NUGGC: variants seen among roughly 807,000 people sequenced by gnomAD.
NUGGC encodes nuclear GTPase SLIP-GC.
A neutral mutation model predicts 92.6 loss-of-function variants in NUGGC; 58 were observed. The observed-to-expected ratio is 0.63, with a 90% CI of 0.51 to 0.78. The LOEUF (loss-of-function observed/expected upper bound fraction) is 0.78, where lower values mean the gene tolerates loss of function less well. Ranked by LOEUF, NUGGC falls within the 30% of genes least tolerant of loss-of-function variation. NUGGC has a pLI of 0.00. For synonymous variants in NUGGC, 376 were observed against 366.4 expected (o/e 1.03, Z -0.30); for missense variants, 925 against 964.6 (o/e 0.96, Z 0.54).
rs1336459534 is a variant in NUGGC, at chr8:28,045,657, A to C, written c.1316T>G (p.Ile439Ser). The C allele has an allele frequency of 6.2e-7, 1 of 1,608,994 alleles. No individual in the cohort carries two copies. The highest frequency in any genetic ancestry group is 2.2e-5 in the East Asian group (1 of 44,814). Reference sequence around the variant, plus strand: ...CCTGATGTATTCTCTTAACTTAGGGATTTCTGGAATTCACAGGCAGCACAA... The same window carrying C: ...CCTGATGTATTCTCTTAACTTAGGGCTTTCTGGAATTCACAGGCAGCACAA... ...QALLTEEETE[I>S]PKLREYIRKS... The change falls in exon 12 of 19, where the codon ATC becomes AGC. Residue 439 changes from isoleucine (I) to serine (S), a missense_variant. Transcript: ENST00000413272.
chr8:28,064,893 C>A (rs956825351), intron 6 of NUGGC, among the ~76,000 whole-genome samples, 162 bp from the exon 7 acceptor site: 1 of 152,124 alleles, frequency 6.6e-6, no homozygotes, highest in Non-Finnish European at 1.5e-5. Context: ...ACCTGAGAGC[C>A]AGGAAGGACC....
intron 6 of NUGGC, among the ~76,000 whole-genome samples, chr8:28,066,393 T>G (rs886337558): frequency 1.3e-5 from 2 of 152,222 alleles, no homozygotes; most frequent in Non-Finnish European, 2.9e-5. Context: ...ATTTAAACAT[T>G]TTAAGAGGCT....
In NUGGC at chr8:28,039,368, G is replaced by A. The variant is rs184576466; in HGVS notation, c.1611+1683C>T. ...CTGTCTCAGCTTCCCCAGTAGCTGC[G>A]ATTACAGGTGTCACCACCACACCCG... On this transcript the variant is annotated intron_variant, in intron 13 of 18. Coordinates refer to ENST00000413272, the MANE Select transcript of NUGGC (RefSeq NM_001010906.2). 2.0e-3 allele frequency among the ~76,000 whole-genome samples: 306 copies of A among 151,950 alleles called. 1 individual carries two copies. The highest frequency in any genetic ancestry group is 7.1e-3 in the African/African-American group (292 of 41,414).
At position 28,067,568 on chromosome 8, in the gene NUGGC, C is replaced by T. The variant is rs372445724; in HGVS notation, c.657G>A (p.Ala219=). 17 of 1,613,204 alleles carry T rather than the reference C, an allele frequency of 1.1e-5. No homozygotes were observed. Among genetic ancestry groups the T allele is most frequent in the South Asian group, 5.5e-5 (5 of 90,782 alleles). The change falls in exon 6 of 19, where the codon GCG becomes GCA. Residue 219 remains alanine, a synonymous_variant. Coordinates refer to ENST00000413272, the MANE Select transcript of NUGGC (RefSeq NM_001010906.2). ...ESKNYEELLR[A]KPKRKIPTSR... ...AGGTGGGGATCTTCCTTTTGGGCTTCGCCCTCAGTAACTCCTCATAGTTCT... is the reference window on the plus strand; with the variant it reads ...AGGTGGGGATCTTCCTTTTGGGCTTTGCCCTCAGTAACTCCTCATAGTTCT...
intron 12 of NUGGC, 131 bp downstream of exon 12, chr8:28,045,396 T>G: frequency 1.2e-6 from 1 of 815,884 alleles, no homozygotes; most frequent in Non-Finnish European, 1.9e-6. Flanking sequence ...TTTGTCCTTT[T>G]AGACTCACTG....
At chr8:28,065,208 T>C (rs532657535) in intron 6 of NUGGC, among the ~76,000 whole-genome samples, 1 of 137,462 alleles carries the variant, frequency 7.3e-6, no homozygotes, top group African/African-American at 2.7e-5. Context: ...TTGCCCAGAC[T>C]GGAGTGCAGT....
chr8:28,069,339 A>T (rs1240769056), intron 4 of NUGGC, among the ~76,000 whole-genome samples: 5 of 152,132 alleles, frequency 3.3e-5, no homozygotes, highest in African/African-American at 9.7e-5. Flanking sequence ...GGGTTAAATG[A>T]TATTTGACAT....
chr8:28,072,804 A>G (rs1051765709), intron 2 of NUGGC, among the ~76,000 whole-genome samples: 15 of 151,886 alleles, frequency 9.9e-5, no homozygotes, highest in African/African-American at 3.6e-4. Flanking sequence ...CACAGATCTT[A>G]TTATTCTTGT....
At chr8:28,030,169 T>C (rs1414482405) in intron 16 of NUGGC, 141 bp downstream of exon 16, 1 of 620,774 alleles carries the variant, frequency 1.6e-6, no homozygotes, top group East Asian at 2.8e-5. Flanking sequence ...AGTCATGTGG[T>C]TGCAATGTGT....
Position 28,047,612 on chromosome 8 carries a change from T to C in NUGGC, c.1207A>G (p.Arg403Gly). The C allele has an allele frequency of 1.9e-6, 3 of 1,543,288 alleles. No homozygotes were observed. Among genetic ancestry groups the C allele is most frequent in the Non-Finnish European group, 2.6e-6 (3 of 1,137,946 alleles). Residue 403 changes from arginine to glycine, a missense_variant and splice_region_variant, in exon 11 of 19, where the codon AGA (arginine) becomes GGA (glycine). Arg to Gly is a moderately radical substitution (Grantham distance 125, BLOSUM62 -2). Coordinates refer to ENST00000413272, the MANE Select transcript of NUGGC (RefSeq NM_001010906.2). ...ACCTTGAAGTCAGCTGGCAGTTTTC[T>C]CTGAAGTGAGAGAGTCACACAGAAA... ...RTRILKEKLK[R>G]KLPADFKVLE... is the part of the protein sequence containing the mutation.
intron 11 of NUGGC, 81 bp from the exon 12 acceptor site, chr8:28,045,741 A>G: frequency 6.9e-7 from 1 of 1,459,776 alleles, no homozygotes; most frequent in Non-Finnish European, 9.3e-7. Context: ...TGAAAGACCA[A>G]GGTGGCGATA....
At chr8:28,049,426 G>A (rs1392107429) in intron 10 of NUGGC, among the ~76,000 whole-genome samples, 2 of 152,236 alleles carry the variant, frequency 1.3e-5, no homozygotes, top group African/African-American at 2.4e-5. Flanking sequence ...AGAAAGGCAT[G>A]TGCTTAGCTG....
At chr8:28,048,860 CAA>C (rs60050826) in intron 10 of NUGGC, among the ~76,000 whole-genome samples, 17,839 of 108,408 alleles carry the variant, frequency 0.16, 765 homozygotes, top group South Asian at 0.21. Context: ...GATTCCATCT[CAA>C]AAAAAAAAAA....
chr8:28,031,398 CA>C lies in NUGGC; in HGVS notation c.1770-18del. 1 of 1,607,970 alleles carries C rather than the reference CA, an allele frequency of 6.2e-7. No individual in the cohort carries two copies. The highest frequency in any genetic ancestry group is 8.5e-7 in the Non-Finnish European group (1 of 1,177,310). On this transcript the variant is annotated intron_variant, in intron 14 of 18. Coordinates refer to ENST00000413272, the MANE Select transcript of NUGGC (RefSeq NM_001010906.2). Reference sequence around the variant, plus strand: ...TTCCCCGTCCTACGGAAGAAAGTGACAAAAAAGTTTAAGAGAATGGTGGCTG... The same window carrying C: ...TTCCCCGTCCTACGGAAGAAAGTGACAAAAAGTTTAAGAGAATGGTGGCTG...
chr8:28,036,555 G>C (rs1461307415), intron 13 of NUGGC, among the ~76,000 whole-genome samples: 1 of 152,162 alleles, frequency 6.6e-6, no homozygotes, highest in African/African-American at 2.4e-5. Context: ...CTTCAGTTGT[G>C]AACATATTGC....
chr8:28,033,641 A>AT lies in NUGGC; in HGVS notation c.1667dup (p.Asn556LysfsTer13), dbSNP rs1809480625. On this transcript the variant is annotated frameshift_variant, in exon 14 of 19. Coordinates refer to ENST00000413272, the MANE Select transcript of NUGGC (RefSeq NM_001010906.2). LOFTEE classifies it high-confidence loss of function. ...CCAGAGTCCTGGAGGCATAGATGCC[A>AT]TTTTTCAGGCAAACAGCTTTCAGGG... is the stretch of plus-strand genomic sequence containing the variant. 1 of 1,613,962 alleles carries AT rather than the reference A, an allele frequency of 6.2e-7. No homozygotes were observed. Among genetic ancestry groups the AT allele is most frequent in the Non-Finnish European group, 8.5e-7 (1 of 1,179,840 alleles).
chr8:28,022,084 TG>T lies in NUGGC; in HGVS notation c.*1232del, dbSNP rs1809130266. 6.6e-6 allele frequency: 1 copy of T among 151,564 alleles called. No individual in the cohort carries two copies. The highest frequency in any genetic ancestry group is 2.1e-4 in the South Asian group (1 of 4,824). The allele number at this position is 151,564 out of a possible 1,614,324, so 9.4% of individuals were successfully genotyped here. A position where few individuals can be genotyped will look rare whatever the true frequency, so the allele number is the denominator to read the frequency against. ...TTATGGCTTGTTTTATATCGTGCAA[TG>T]TTTTTTCTATAATGTTTAAGTTTTT... On this transcript the variant is annotated 3_prime_UTR_variant, in exon 19 of 19. Transcript: ENST00000413272.
At chr8:28,043,977 A>T (rs112732139) in intron 12 of NUGGC, among the ~76,000 whole-genome samples, 57 of 152,314 alleles carry the variant, frequency 3.7e-4, no homozygotes, top group Admixed American at 8.5e-4. Context: ...AAATAGATTT[A>T]AAAAAGATTG....
intron 7 of NUGGC, 100 bp from the exon 8 acceptor site, chr8:28,060,701 C>A: frequency 1.0e-6 from 1 of 997,260 alleles, no homozygotes. Flanking sequence ...CCTCCAGTCC[C>A]ACCCCTCACC....
Sources: allele counts gnomAD v4.1 joint callset (sites outside exome capture counted in the v4.1 genomes callset), GRCh38; gene constraint gnomAD v4.1.1; transcripts MANE v1.5; gene names NCBI Gene and HGNC (gene_info 2026-07-23, HGNC 2026-07-21).